Variants in TRPC7 observed in about 807,000 individuals in gnomAD.
TRPC7 encodes the protein short transient receptor potential channel 7.
A neutral mutation model predicts 90.1 loss-of-function variants in TRPC7; 42 were observed. The observed-to-expected ratio is 0.47, with a 90% CI of 0.36 to 0.60. TRPC7 has a LOEUF of 0.60. Among genes scored for constraint, TRPC7 ranks in the 20% least tolerant of loss-of-function variants. TRPC7 has a pLI of 0.00. For synonymous variants in TRPC7, 451 were observed against 436.3 expected (o/e 1.03, Z -0.42); for missense variants, 955 against 1,112.3 (o/e 0.86, Z 2.01).
chr5:136,273,495 T>G lies in TRPC7; in HGVS notation c.1128+1178A>C, dbSNP rs74725181. The stretch of plus-strand genomic sequence containing the variant: ...TAATACTACTCTCCGGAAGAAGGAT[T>G]TGGGGACTTGACCTCTCTCTGTGAC... On this transcript the variant is annotated intron_variant, in intron 4 of 11. Coordinates refer to ENST00000513104, the MANE Select transcript of TRPC7 (RefSeq NM_020389.3). 7.4e-4 allele frequency among the ~76,000 whole-genome samples: 112 copies of G among 152,262 alleles called. 1 individual carries two copies. The East Asian group carries it at 0.011, about 15-fold the overall frequency.
chr5:136,288,208 GA>G (rs1239478302), intron 3 of TRPC7, among the ~76,000 whole-genome samples: 1 of 151,972 alleles, frequency 6.6e-6, no homozygotes, highest in African/African-American at 2.4e-5. Flanking sequence ...TTCAGAGCTT[GA>G]ACTACACCAA....
intron 11 of TRPC7, among the ~76,000 whole-genome samples, chr5:136,215,822 CAAAAAA>C (rs567520289): frequency 1.7e-5 from 2 of 115,290 alleles, no homozygotes; most frequent in Non-Finnish European, 3.5e-5. Flanking sequence ...GACTCCATCT[CAAAAAA>C]AAAAAAAAAA....
In TRPC7 at chr5:136,226,263, A is replaced by G. The variant is rs774145396; in HGVS notation, c.2041-8T>C. 5 of 1,548,952 alleles carry G rather than the reference A, an allele frequency of 3.2e-6. No homozygotes were observed. The South Asian group carries it at 4.8e-5, about 15-fold the overall frequency. On this transcript the variant is annotated splice_region_variant and splice_polypyrimidine_tract_variant and intron_variant, in intron 8 of 11. Coordinates refer to ENST00000513104, the MANE Select transcript of TRPC7 (RefSeq NM_020389.3). ...TTCCACATCTGCATCCTCCTGTGGA[A>G]CAAGGGAAACAACAACACACCCTCA...
At chr5:136,359,113 T>A (rs1310983043) in intron 1 of TRPC7, among the ~76,000 whole-genome samples, 1 of 152,216 alleles carries the variant, frequency 6.6e-6, no homozygotes, top group Non-Finnish European at 1.5e-5. Flanking sequence ...CAATTAGCCT[T>A]GTGAATGTTT....
chr5:136,289,417 C>G (rs1009079861), intron 3 of TRPC7, among the ~76,000 whole-genome samples: 1 of 152,222 alleles, frequency 6.6e-6, no homozygotes, highest in African/African-American at 2.4e-5. Context: ...TGACAGATGG[C>G]ACCTGGAAAA....
At chr5:136,297,472 A>T in intron 3 of TRPC7, among the ~76,000 whole-genome samples, 1 of 152,174 alleles carries the variant, frequency 6.6e-6, no homozygotes, top group East Asian at 1.9e-4. Context: ...AAGTATACTT[A>T]CTGCACAAAT....
chr5:136,339,154 G>T (rs866108625), intron 2 of TRPC7, among the ~76,000 whole-genome samples: 2 of 152,142 alleles, frequency 1.3e-5, no homozygotes, highest in South Asian at 2.1e-4. Context: ...TTTCTATTAT[G>T]TTCCATCTTG....
rs142511218 is a variant in TRPC7 at position 136,323,476 on chromosome 5, T to C, written c.781-7697A>G. Among the ~76,000 whole-genome samples the C allele has an allele frequency of 2.1e-3, 322 of 152,320 alleles. 1 individual carries two copies. Among genetic ancestry groups the C allele is most frequent in the Middle Eastern group, 0.014 (4 of 294 alleles). On this transcript the variant is annotated intron_variant, in intron 2 of 11. Coordinates refer to ENST00000513104, the MANE Select transcript of TRPC7 (RefSeq NM_020389.3). The stretch of plus-strand genomic sequence containing the variant: ...GAAGTCTTATAGTTTGTGTTTTAAA[T>C]TTAGGTCTACCACCCATTTTGTGTT...
intron 2 of TRPC7, among the ~76,000 whole-genome samples, chr5:136,346,552 G>A (rs1370593059): frequency 6.6e-6 from 1 of 151,994 alleles, no homozygotes; most frequent in Admixed American, 6.5e-5. Flanking sequence ...ACACACACAT[G>A]TACACATACA....
chr5:136,312,671 C>A (rs1396717490), intron 3 of TRPC7, among the ~76,000 whole-genome samples: 1 of 152,112 alleles, frequency 6.6e-6, no homozygotes, highest in Non-Finnish European at 1.5e-5. Flanking sequence ...TCCCTTGAAC[C>A]ATGGTGGGTG....
chr5:136,233,959 A>G (rs1041193648), intron 7 of TRPC7, among the ~76,000 whole-genome samples: 1 of 152,192 alleles, frequency 6.6e-6, no homozygotes, highest in African/African-American at 2.4e-5. Flanking sequence ...GGCCTGGCTT[A>G]TTAAGCAGTA....
rs1336340035 is a variant in TRPC7 at position 136,356,916 on chromosome 5, C to G, written c.472G>C (p.Gly158Arg). 6.2e-7 allele frequency: 1 copy of G among 1,613,712 alleles called. No individual in the cohort carries two copies. The change falls in exon 2 of 12, where the codon GGC becomes CGC. Residue 158 changes from glycine to arginine, a missense_variant. Physicochemically the swap from Gly to Arg is moderately radical, Grantham distance 125. Transcript: ENST00000513104. ...GTGATGTCGTGGGAGAAGCGCGTGC[C>G]GTCCTCGTCGTAGGCATAGAAGTCG... is the stretch of plus-strand genomic sequence containing the variant. ...DDDFYAYDED[G>R]TRFSHDITPI... is the part of the protein sequence containing the mutation.
chr5:136,268,192 G>A (rs1236289039), intron 4 of TRPC7, among the ~76,000 whole-genome samples: 1 of 152,122 alleles, frequency 6.6e-6, no homozygotes, highest in East Asian at 1.9e-4. Context: ...TCCCAACCAG[G>A]ACCTTGGGAT....
At chr5:136,220,549 A>G (rs1268787929) in intron 10 of TRPC7, among the ~76,000 whole-genome samples, 4 of 152,264 alleles carry the variant, frequency 2.6e-5, no homozygotes, top group African/African-American at 9.6e-5. Flanking sequence ...AGGTCAGACC[A>G]GTTTTTTGCT....
At chr5:136,282,839 G>A (rs554898769) in intron 3 of TRPC7, among the ~76,000 whole-genome samples, 1 of 152,264 alleles carries the variant, frequency 6.6e-6, no homozygotes, top group South Asian at 2.1e-4. Flanking sequence ...AATGCCTATT[G>A]TTACCAGGTA....
Position 136,213,388 on chromosome 5 carries a change from C to T in TRPC7, c.*47G>A. On this transcript the variant is annotated 3_prime_UTR_variant, in exon 12 of 12. Transcript: ENST00000513104. ...CAAGGATGGGGGCGAGGGCATCCAACCTGGCCTTGGAATGCTGGTAGAAGT... is the reference window on the plus strand; with the variant it reads ...CAAGGATGGGGGCGAGGGCATCCAATCTGGCCTTGGAATGCTGGTAGAAGT... The T allele has an allele frequency of 6.2e-7, 1 of 1,600,968 alleles. No individual in the cohort carries two copies. Among genetic ancestry groups the T allele is most frequent in the Non-Finnish European group, 8.5e-7 (1 of 1,172,746 alleles).
intron 3 of TRPC7, among the ~76,000 whole-genome samples, chr5:136,300,931 T>G (rs1290307336): frequency 6.6e-6 from 1 of 152,246 alleles, no homozygotes; most frequent in Admixed American, 6.5e-5. Context: ...GAGCTTCATC[T>G]CTTCAAAATG....
Position 136,247,607 on chromosome 5 carries a change from T to A in TRPC7, c.1708A>T (p.Ile570Phe). 1 of 1,613,930 alleles carries A rather than the reference T, an allele frequency of 6.2e-7. No individual in the cohort carries two copies. The highest frequency in any genetic ancestry group is 8.5e-7 in the Non-Finnish European group (1 of 1,179,866). ...TCTTTCACAGTTCTCCCTAGCGAGA[T>A]CTGCAGGGGCCCAAAACTCTCGTTG... ...PANESFGPLQ[I>F]SLGRTVKDIF... The change falls in exon 7 of 12, where the codon ATC (isoleucine) becomes TTC (phenylalanine). Residue 570 changes from isoleucine (I) to phenylalanine (F), a missense_variant. Transcript: ENST00000513104. The surrounding 1 kb of genome is among the most constrained non-coding windows in gnomAD (Gnocchi z 4.2).
At chr5:136,337,443 G>A (rs758071257) in intron 2 of TRPC7, among the ~76,000 whole-genome samples, 18 of 152,266 alleles carry the variant, frequency 1.2e-4, no homozygotes, top group Non-Finnish European at 2.4e-4. Context: ...CAAGGTGGGC[G>A]GATCCTGAGG....
Sources: allele counts gnomAD v4.1 joint callset (sites outside exome capture counted in the v4.1 genomes callset), GRCh38; gene constraint gnomAD v4.1.1; non-coding constraint Gnocchi (gnomAD v3.1); transcripts MANE v1.5; gene names NCBI Gene and HGNC (gene_info 2026-07-23, HGNC 2026-07-21).